NBAS: variants seen among roughly 807,000 people sequenced by gnomAD.
NBAS encodes the protein NBAS subunit of NRZ tethering complex, also known as NAG/BC035112 fusion.
In NBAS, 219 loss-of-function variants were observed where a neutral mutation model predicts 302.5. The observed-to-expected ratio is 0.72, with a 90% CI of 0.65 to 0.81. NBAS has a LOEUF of 0.81. NBAS is among the 30% of genes least tolerant of loss of function. The pLI, the probability that NBAS is intolerant of heterozygous loss-of-function variation, is 0.00. For missense variants in NBAS, 2,932 were observed against 2,841.6 expected, an observed-to-expected ratio of 1.03 and a Z score of -0.72; for synonymous variants, 1,118 against 1,021.6, an observed-to-expected ratio of 1.09 and a Z score of -1.80.
At chr2:15,422,400 A>T (rs1003698607) in intron 23 of NBAS, among the ~76,000 whole-genome samples, 2 of 152,190 alleles carry the variant, frequency 1.3e-5, no homozygotes, top group Non-Finnish European at 2.9e-5. Flanking sequence ...CAATGCTAAC[A>T]AATGTATTGC....
the NBAS span, among the ~76,000 whole-genome samples, chr2:15,093,379 A>G: frequency 6.6e-6 from 1 of 152,132 alleles, no homozygotes; most frequent in Non-Finnish European, 1.5e-5. Flanking sequence ...TCATGCCACT[A>G]TACTCCAGCC....
chr2:15,074,964 G>A, the NBAS span, among the ~76,000 whole-genome samples: 2 of 152,302 alleles, frequency 1.3e-5, no homozygotes, highest in East Asian at 3.9e-4. Context: ...TGTTGGTTGA[G>A]GGGATATCAG....
chr2:15,484,389 C>T (rs192722351), intron 12 of NBAS, among the ~76,000 whole-genome samples: 1 of 152,222 alleles, frequency 6.6e-6, no homozygotes, highest in Non-Finnish European at 1.5e-5. Context: ...TTGACTCTAA[C>T]ATTTAGTGAT....
chr2:15,031,548 C>A, the NBAS span, among the ~76,000 whole-genome samples: 15 of 152,126 alleles, frequency 9.9e-5, no homozygotes, highest in Admixed American at 6.5e-5. Flanking sequence ...GGATAAAAGA[C>A]AAGAGAGAGA....
chr2:15,153,304 G>T, the NBAS span, among the ~76,000 whole-genome samples: 28 of 152,348 alleles, frequency 1.8e-4, no homozygotes, highest in South Asian at 4.6e-3. Context: ...AAATGGGGGA[G>T]AATGAACTGC....
the NBAS span, among the ~76,000 whole-genome samples, chr2:14,927,365 T>G: frequency 4.6e-5 from 7 of 152,236 alleles, no homozygotes; most frequent in African/African-American, 7.2e-5. Context: ...CATATTATCT[T>G]CAAGGTTCAT....
chr2:15,467,513 C>T (rs1248454859), intron 18 of NBAS, 106 bp from the exon 19 acceptor site: 4 of 1,299,860 alleles, frequency 3.1e-6, no homozygotes, highest in Non-Finnish European at 4.4e-6. Context: ...ACTCATGAAA[C>T]AGTTCAGAAA....
At chr2:14,968,604 A>C in the NBAS span, among the ~76,000 whole-genome samples, 1 of 152,218 alleles carries the variant, frequency 6.6e-6, no homozygotes, top group Non-Finnish European at 1.5e-5. Flanking sequence ...TGCCTGGCCG[A>C]ACATGTTTAG....
the NBAS span, among the ~76,000 whole-genome samples, chr2:14,948,056 T>C: frequency 1.5e-3 from 229 of 152,176 alleles, no homozygotes; most frequent in African/African-American, 4.7e-3. Flanking sequence ...TATGGTTTGA[T>C]GGACAAAGTA....
chr2:15,135,653 G>A, the NBAS span, among the ~76,000 whole-genome samples: 2 of 152,084 alleles, frequency 1.3e-5, no homozygotes, highest in African/African-American at 4.8e-5. Flanking sequence ...GTGATTCTGG[G>A]TAGTGGAGTT....
At chr2:14,940,457 A>T in the NBAS span, among the ~76,000 whole-genome samples, 9 of 152,146 alleles carry the variant, frequency 5.9e-5, no homozygotes, top group Non-Finnish European at 1.0e-4. Flanking sequence ...TGTACAGCCT[A>T]TGAAACTGTG....
intron 28 of NBAS, among the ~76,000 whole-genome samples, chr2:15,389,711 A>G (rs1675493333): frequency 1.3e-5 from 2 of 152,206 alleles, no homozygotes; most frequent in African/African-American, 2.4e-5. Flanking sequence ...AAAATACTGG[A>G]CATCAGGCAA....
rs1671205687 is a variant in NBAS, at chr2:15,310,032, G to A, written c.4583-785C>T. Among the ~76,000 whole-genome samples the A allele has an allele frequency of 3.3e-5, 5 of 152,318 alleles. 1 individual carries two copies. In the South Asian group the frequency reaches 1.0e-3, roughly 32 times the overall value. On this transcript the variant is annotated intron_variant, in intron 38 of 51. Transcript: ENST00000281513. ...ACAGATGCTCATGATCGGCACTAAT[G>A]AAGGGGATAGTATACGAATAATTCA...
At chr2:15,396,616 T>G (rs184752928) in intron 26 of NBAS, 141 bp from the exon 27 acceptor site, 2 of 564,588 alleles carry the variant, frequency 3.5e-6, no homozygotes, top group East Asian at 5.9e-5. Flanking sequence ...TCATTCAGCA[T>G]TATTAATGAT....
intron 30 of NBAS, among the ~76,000 whole-genome samples, chr2:15,376,017 A>G (rs1204221860): frequency 1.3e-5 from 2 of 152,188 alleles, no homozygotes; most frequent in East Asian, 1.9e-4. Context: ...GGAAGGATAC[A>G]TAAGAAACCG....
the NBAS span, among the ~76,000 whole-genome samples, chr2:14,997,019 C>T: frequency 6.6e-6 from 1 of 152,022 alleles, no homozygotes; most frequent in African/African-American, 2.4e-5. Flanking sequence ...AAGTTTCTGA[C>T]CCTATAATAG....
chr2:15,457,171 C>T (rs1205371064), intron 21 of NBAS, among the ~76,000 whole-genome samples: 1 of 152,206 alleles, frequency 6.6e-6, no homozygotes, highest in Non-Finnish European at 1.5e-5. Flanking sequence ...TAACAGCTGG[C>T]TGAAGACTGC....
At chr2:15,351,870 GCACACACACACACACACA>G (rs10605991) in intron 35 of NBAS, 104 bp downstream of exon 35, 6 of 700,818 alleles carry the variant, frequency 8.6e-6, no homozygotes, top group Admixed American at 4.2e-5. Flanking sequence ...TGGTCTGCAT[GCACACACACACACACACA>G]CACACACACA....
chr2:15,511,023 G>C (rs779470485), intron 10 of NBAS, among the ~76,000 whole-genome samples, 189 bp downstream of exon 10: 3 of 152,140 alleles, frequency 2.0e-5, no homozygotes, highest in Non-Finnish European at 4.4e-5. Context: ...ATTATTCCAA[G>C]TTAAATACAA....
Sources: gnomAD v4.1 joint callset for allele counts (sites outside exome capture counted in the v4.1 genomes callset) on GRCh38, gnomAD v4.1.1 for gene constraint, MANE v1.5 for transcripts, NCBI Gene and HGNC (gene_info 2026-07-23, HGNC 2026-07-21) for gene names.